DISC1: variants seen among roughly 807,000 people sequenced by gnomAD.
DISC1 encodes DISC1 scaffold protein.
Under a neutral mutation model 84.5 loss-of-function variants are expected in DISC1, and 57 were observed. The observed-to-expected ratio is 0.67, with a 90% CI of 0.55 to 0.84. DISC1 has a LOEUF of 0.84. Ranked by LOEUF, DISC1 falls within the 40% of genes least tolerant of loss-of-function variation. DISC1 has a pLI of 0.00. For synonymous variants in DISC1, 411 were observed against 415.2 expected, an observed-to-expected ratio of 0.99 and a Z score of 0.12; for missense variants, 1,000 against 1,057.8, an observed-to-expected ratio of 0.95 and a Z score of 0.76.
chr1:231,771,696 A>G, intron 6 of DISC1: 2 of 582,006 alleles, frequency 3.4e-6, no homozygotes, highest in Non-Finnish European at 4.3e-6. Flanking sequence ...ACTCCTGTTC[A>G]TTAATTCTGA....
chr1:231,709,705 T>A (rs1265477518), intron 3 of DISC1, among the ~76,000 whole-genome samples: 1 of 152,140 alleles, frequency 6.6e-6, no homozygotes, highest in African/African-American at 2.4e-5. Context: ...CTATGTCCTC[T>A]CCCTAAATGG....
intron 9 of DISC1, among the ~76,000 whole-genome samples, chr1:231,909,754 C>T (rs1227804173): frequency 6.6e-6 from 1 of 152,144 alleles, no homozygotes; most frequent in Admixed American, 6.5e-5. Context: ...ATGGTAGGTA[C>T]CAGCTCCTCT....
chr1:231,798,800 G>T (rs2078970439), intron 7 of DISC1, among the ~76,000 whole-genome samples: 1 of 152,082 alleles, frequency 6.6e-6, no homozygotes, highest in African/African-American at 2.4e-5. Flanking sequence ...AAAAGATGTT[G>T]GAAAATTACA....
intron 9 of DISC1, among the ~76,000 whole-genome samples, chr1:231,828,169 G>C (rs1360468108): frequency 6.6e-6 from 1 of 152,050 alleles, no homozygotes; most frequent in East Asian, 1.9e-4. Flanking sequence ...CCCCAAATCT[G>C]ATATTTTCCT....
At chr1:231,980,425 G>A (rs923137384) in intron 10 of DISC1, among the ~76,000 whole-genome samples, 4 of 152,158 alleles carry the variant, frequency 2.6e-5, no homozygotes, top group Non-Finnish European at 4.4e-5. Context: ...GACTCACACT[G>A]TGATGATATT....
chr1:231,639,271 G>T (rs823161), intron 1 of DISC1, among the ~76,000 whole-genome samples: 1 of 151,898 alleles, frequency 6.6e-6, no homozygotes, highest in African/African-American at 2.4e-5. Context: ...TACACATTTC[G>T]TGAGAGAAAA....
chr1:231,947,117 T>A (rs1253855171), intron 9 of DISC1, among the ~76,000 whole-genome samples: 1 of 151,708 alleles, frequency 6.6e-6, no homozygotes, highest in Non-Finnish European at 1.5e-5. Context: ...TTAAAGTTCA[T>A]ACAGAACCAA....
chr1:231,838,369 C>T (rs2082776932), intron 9 of DISC1, among the ~76,000 whole-genome samples: 1 of 152,096 alleles, frequency 6.6e-6, no homozygotes, highest in Non-Finnish European at 1.5e-5. Flanking sequence ...AGGAACTTTC[C>T]AGGCAAATGA....
intron 5 of DISC1, among the ~76,000 whole-genome samples, chr1:231,769,183 A>G (rs890494326): frequency 2.0e-5 from 3 of 152,218 alleles, no homozygotes; most frequent in Admixed American, 2.0e-4. Flanking sequence ...ATAGGATGTA[A>G]GACAATAGGA....
chr1:232,004,867 GCCTC>G (rs1326597248), intron 10 of DISC1, among the ~76,000 whole-genome samples: 1,588 of 28,454 alleles, frequency 0.056, 52 homozygotes, highest in African/African-American at 0.13. Context: ...CTCCCTCCCT[GCCTC>G]CCTCCCTCCC....
At chr1:231,903,206 C>A (rs1460942159) in intron 9 of DISC1, among the ~76,000 whole-genome samples, 1 of 151,992 alleles carries the variant, frequency 6.6e-6, no homozygotes, top group Non-Finnish European at 1.5e-5. Flanking sequence ...GGGTTACAGA[C>A]ATGAGCCATG....
chr1:231,802,254 A>T (rs542207070), intron 8 of DISC1, among the ~76,000 whole-genome samples: 1 of 152,148 alleles, frequency 6.6e-6, no homozygotes, highest in Admixed American at 6.6e-5. Context: ...TGTTTGGATC[A>T]TGAGGGCGGT....
At chr1:231,738,963 T>C (rs2072890429) in intron 3 of DISC1, among the ~76,000 whole-genome samples, 1 of 152,228 alleles carries the variant, frequency 6.6e-6, no homozygotes, top group African/African-American at 2.4e-5. Context: ...TAGACACATC[T>C]GTACTGCCCC....
chr1:231,629,044 T>C (rs1436385562), intron 1 of DISC1, among the ~76,000 whole-genome samples: 1 of 152,204 alleles, frequency 6.6e-6, no homozygotes, highest in Non-Finnish European at 1.5e-5. Context: ...ACCTCCATCC[T>C]GCATATCTAT....
At chr1:231,701,044 C>G (rs1462518350) in intron 2 of DISC1, among the ~76,000 whole-genome samples, 1 of 152,062 alleles carries the variant, frequency 6.6e-6, no homozygotes, top group African/African-American at 2.4e-5. Context: ...AAGACGTACC[C>G]AAGTCTGGGT....
chr1:231,989,055 C>G (rs992930710), intron 10 of DISC1, among the ~76,000 whole-genome samples: 2 of 152,218 alleles, frequency 1.3e-5, no homozygotes, highest in African/African-American at 4.8e-5. Context: ...CCATGTGGCT[C>G]TCATTAACCA....
At chr1:231,886,728 CCTGA>C (rs2125993232) in intron 9 of DISC1, among the ~76,000 whole-genome samples, 1 of 151,958 alleles carries the variant, frequency 6.6e-6, no homozygotes, top group South Asian at 2.1e-4. Context: ...ACAGAACAGA[CCTGA>C]CTTTCTTTCT....
intron 3 of DISC1, chr1:231,724,207 G>C: frequency 3.6e-6 from 1 of 274,206 alleles, no homozygotes; most frequent in Non-Finnish European, 5.6e-6. Context: ...TCCCTGGGCT[G>C]TCTCCTGGGA....
rs74146705 is a variant in DISC1, at chr1:231,679,124, G to T, written c.68-14702G>T. 2.0e-3 allele frequency among the ~76,000 whole-genome samples: 298 copies of T among 152,370 alleles called. 1 individual carries two copies. Among genetic ancestry groups the T allele is most frequent in the African/African-American group, 5.0e-3 (207 of 41,592 alleles). On this transcript the variant is annotated intron_variant, in intron 1 of 12. Transcript: ENST00000439617. ...AATGTCACAGCTTCCTGGCCAGTTT[G>T]TGCCTGTTGGGGGATTCCCCATCTT...
Sources: allele counts gnomAD v4.1 joint callset (sites outside exome capture counted in the v4.1 genomes callset), GRCh38; gene constraint gnomAD v4.1.1; transcripts MANE v1.5; gene names NCBI Gene and HGNC (gene_info 2026-07-23, HGNC 2026-07-21).